The following SLC17A1 variants were observed in gnomAD, a reference collection of about 807,000 sequenced individuals.
The protein encoded by SLC17A1 is solute carrier family 17 member 1.
SLC17A1 carries 51 observed loss-of-function variants against 53.5 expected under a neutral mutation model. The ratio of observed to expected loss-of-function variants is 0.95; its 90% CI spans 0.76 to 1.20. SLC17A1 has a LOEUF of 1.20. Among genes scored for constraint, SLC17A1 ranks in the 50% most tolerant of loss-of-function variants. SLC17A1 has a pLI of 0.00. For synonymous variants in SLC17A1, 179 were observed against 198.8 expected (o/e 0.90, Z 0.84); for missense variants, 538 against 568.2 (o/e 0.95, Z 0.54).
rs777285267 is a variant in SLC17A1, at chr6:25,811,709, T to C, written c.959A>G (p.Gln320Arg). The change falls in exon 9 of 13, where the codon CAG becomes CGG. Residue 320 changes from glutamine (Q) to arginine (R), a missense_variant. By Grantham distance (43) the Gln-to-Arg change is conservative. Coordinates refer to ENST00000244527, the MANE Select transcript of SLC17A1 (RefSeq NM_005074.5). Reference sequence around the variant, plus strand: ...CCTGGTCAGGAAGAAGTCTGATAACTGACCTGCTAGGTTACCACAGATCCA... The same window carrying C: ...CCTGGTCAGGAAGAAGTCTGATAACCGACCTGCTAGGTTACCACAGATCCA... ...FAWICGNLAGQLSDFFLTRNI... is the reference protein window; with the variant it reads ...FAWICGNLAGRLSDFFLTRNI... 1 of 1,613,862 alleles carries C rather than the reference T, an allele frequency of 6.2e-7. No individual in the cohort carries two copies. The highest frequency in any genetic ancestry group is 8.5e-7 in the Non-Finnish European group (1 of 1,179,788).
chr6:25,739,854 G>T, the SLC17A1 span, among the ~76,000 whole-genome samples: 1 of 152,138 alleles, frequency 6.6e-6, no homozygotes, highest in Non-Finnish European at 1.5e-5. Flanking sequence ...TGTGATGATA[G>T]AATTGTTCTG....
rs1189357572 is a variant in SLC17A1, at chr6:25,798,880, C to T, written c.1309G>A (p.Ala437Thr). 3 of 1,604,700 alleles carry T rather than the reference C, an allele frequency of 1.9e-6. No individual in the cohort carries two copies. The highest frequency in any genetic ancestry group is 2.6e-6 in the Non-Finnish European group (3 of 1,173,722). ...SAWFKTFILM[A>T]AINVTGLIFY... ...ATTAGGCCAGTCACATTAATGGCTG[C>T]CATCAGGATGAAGGTTTTAAACCAG... Residue 437 changes from alanine to threonine, a missense_variant, in exon 12 of 13, where the codon GCA (alanine) becomes ACA (threonine). By Grantham distance (58) the Ala-to-Thr change is moderately conservative (BLOSUM62 0). Transcript: ENST00000244527.
In SLC17A1 at chr6:25,826,466, T is replaced by C. The variant is rs1317892700; in HGVS notation, c.202A>G (p.Ile68Val). Reference sequence around the variant, plus strand: ...GGGGAAAATTATTGATGTACCTTTATATTATCCAGGAGCTTCTTTGTGGAG... The same window carrying C: ...GGGGAAAATTATTGATGTACCTTTACATTATCCAGGAGCTTCTTTGTGGAG... ...NTSTKKLLDN[I>V]KNPMYNWSPD... Residue 68 changes from isoleucine (I) to valine (V), a missense_variant, in exon 3 of 13, where the codon ATA becomes GTA. Physicochemically the swap from Ile to Val is conservative, Grantham distance 29 (BLOSUM62 3). Coordinates refer to ENST00000244527, the MANE Select transcript of SLC17A1 (RefSeq NM_005074.5). The C allele has an allele frequency of 1.3e-6, 2 of 1,598,782 alleles. No individual in the cohort carries two copies. The highest frequency in any genetic ancestry group is 2.2e-5 in the East Asian group (1 of 44,644).
At chr6:25,736,927 C>T in the SLC17A1 span, among the ~76,000 whole-genome samples, 1 of 152,178 alleles carries the variant, frequency 6.6e-6, no homozygotes, top group Non-Finnish European at 1.5e-5. Flanking sequence ...TCTGACCTAA[C>T]CAACTTCATC....
the SLC17A1 span, among the ~76,000 whole-genome samples, chr6:25,772,983 T>C: frequency 1.3e-5 from 2 of 152,232 alleles, no homozygotes; most frequent in African/African-American, 4.8e-5. Context: ...AGCTGGAGCA[T>C]AGTCTTCCAA....
At chr6:25,750,924 A>G in the SLC17A1 span, among the ~76,000 whole-genome samples, 3 of 152,244 alleles carry the variant, frequency 2.0e-5, no homozygotes, top group Non-Finnish European at 4.4e-5. Flanking sequence ...GCATGGAGCC[A>G]AGACCTGTGA....
the SLC17A1 span, among the ~76,000 whole-genome samples, chr6:25,737,799 T>TA: frequency 2.6e-5 from 4 of 152,190 alleles, no homozygotes; most frequent in Non-Finnish European, 4.4e-5. Context: ...CTACGATTGT[T>TA]ACGACAGAGA....
intron 2 of SLC17A1, among the ~76,000 whole-genome samples, chr6:25,827,188 A>T (rs1256170870): frequency 6.6e-6 from 1 of 152,186 alleles, no homozygotes; most frequent in Admixed American, 6.6e-5. Flanking sequence ...CTTTTTAAAA[A>T]TAAATGTACT....
At chr6:25,829,964 C>T (rs1439466982) in intron 2 of SLC17A1, among the ~76,000 whole-genome samples, 3 of 152,022 alleles carry the variant, frequency 2.0e-5, no homozygotes, top group Non-Finnish European at 4.4e-5. Context: ...AGAAGAAATA[C>T]ATAATTTAAT....
intron 11 of SLC17A1, among the ~76,000 whole-genome samples, chr6:25,800,444 G>A (rs1763721427): frequency 6.6e-6 from 1 of 152,024 alleles, no homozygotes; most frequent in African/African-American, 2.4e-5. Context: ...TCCTTAAAAG[G>A]AAGATTTCAG....
intron 12 of SLC17A1, among the ~76,000 whole-genome samples, chr6:25,791,306 C>A (rs75683099): frequency 0.022 from 3,418 of 152,196 alleles, 112 homozygotes; most frequent in African/African-American, 0.074. Flanking sequence ...ACAGCTGATA[C>A]TAGAAAATAA....
In SLC17A1 at chr6:25,783,055, C is replaced by T. The variant is rs948770009; in HGVS notation, c.*166G>A. ...GTTACAAACAACACATGTTAAAAAA[C>T]GATGCACACAGGATATGTGGGAGGG... is the stretch of plus-strand genomic sequence containing the variant. On this transcript the variant is annotated 3_prime_UTR_variant, in exon 13 of 13. Coordinates refer to ENST00000244527, the MANE Select transcript of SLC17A1 (RefSeq NM_005074.5). 5.9e-5 allele frequency: 9 copies of T among 152,138 alleles called. No homozygotes were observed. Among genetic ancestry groups the T allele is most frequent in the East Asian group, 1.9e-4 (1 of 5,194 alleles). 9.4% of individuals were successfully genotyped at this position (152,138 alleles called of 1,614,324 possible).
chr6:25,816,202 C>A (rs73383256), intron 6 of SLC17A1, among the ~76,000 whole-genome samples: 204 of 152,232 alleles, frequency 1.3e-3, no homozygotes, highest in African/African-American at 4.7e-3. Flanking sequence ...AAATCTCTGG[C>A]GACTAGACTG....
At chr6:25,807,481 A>G (rs557230942) in intron 10 of SLC17A1, among the ~76,000 whole-genome samples, 8 of 151,976 alleles carry the variant, frequency 5.3e-5, no homozygotes, top group Non-Finnish European at 1.0e-4. Flanking sequence ...TATTTCAATA[A>G]TTTTGGGGGA....
At chr6:25,819,465 A>G (rs1477429941) in intron 5 of SLC17A1, 46 bp downstream of exon 5, 2 of 1,421,926 alleles carry the variant, frequency 1.4e-6, no homozygotes, top group Non-Finnish European at 2.0e-6. Context: ...ATGTAATACA[A>G]TGAGATGAAG....
chr6:25,732,025 T>C, the SLC17A1 span: 5 of 1,480,680 alleles, frequency 3.4e-6, no homozygotes, highest in South Asian at 6.0e-5. Flanking sequence ...TGGACCTGCT[T>C]CAGCAGCTTG....
chr6:25,749,005 C>T, the SLC17A1 span, among the ~76,000 whole-genome samples: 2 of 152,172 alleles, frequency 1.3e-5, no homozygotes, highest in South Asian at 4.1e-4. Flanking sequence ...ATGCCTTCCT[C>T]TTATCTCAAC....
At chr6:25,745,425 T>A in the SLC17A1 span, among the ~76,000 whole-genome samples, 1 of 152,186 alleles carries the variant, frequency 6.6e-6, no homozygotes, top group African/African-American at 2.4e-5. Flanking sequence ...AGCACATAAC[T>A]ATCTACAAAC....
At chr6:25,726,103 G>C in the SLC17A1 span, 3 of 1,497,764 alleles carry the variant, frequency 2.0e-6, no homozygotes, top group East Asian at 2.3e-5. Context: ...TTCTGACACA[G>C]AAGTCTTTTT....
Sources: gnomAD v4.1 joint callset for allele counts (sites outside exome capture counted in the v4.1 genomes callset) on GRCh38, gnomAD v4.1.1 for gene constraint, MANE v1.5 for transcripts, NCBI Gene and HGNC (gene_info 2026-07-23, HGNC 2026-07-21) for gene names.